PDE8B: variants seen among roughly 807,000 people sequenced by gnomAD.
PDE8B encodes the protein high affinity cAMP-specific and IBMX-insensitive 3',5'-cyclic phosphodiesterase 8B.
Under a neutral mutation model 101.3 loss-of-function variants are expected in PDE8B, and 26 were observed. That is an observed-to-expected ratio of 0.26 (90% CI 0.19 to 0.36). PDE8B has a LOEUF of 0.36. Ranked by LOEUF, PDE8B falls within the 10% of genes least tolerant of loss-of-function variation. The pLI is 1.00. For missense variants in PDE8B, 810 were observed against 1,163.1 expected, an observed-to-expected ratio of 0.70 and a Z score of 4.42; for synonymous variants, 424 against 429.3, an observed-to-expected ratio of 0.99 and a Z score of 0.15.
intron 5 of PDE8B, among the ~76,000 whole-genome samples, chr5:77,336,041 T>A (rs1034904042): frequency 1.3e-5 from 2 of 152,180 alleles, no homozygotes; most frequent in African/African-American, 2.4e-5. Context: ...CTACTCCTCT[T>A]TAAACGCGGG....
At chr5:77,262,604 A>C (rs551589080) in intron 1 of PDE8B, among the ~76,000 whole-genome samples, 8 of 152,228 alleles carry the variant, frequency 5.3e-5, no homozygotes, top group Non-Finnish European at 1.2e-4. Context: ...TTTGTGCACA[A>C]AATAAACTTC....
At chr5:77,310,243 A>G (rs1435405025) in intron 1 of PDE8B, among the ~76,000 whole-genome samples, 1 of 152,164 alleles carries the variant, frequency 6.6e-6, no homozygotes, top group Non-Finnish European at 1.5e-5. Flanking sequence ...GAGCCACCGC[A>G]TCTGGCCCAA....
chr5:77,129,500 AATGGATT>A, the PDE8B span, among the ~76,000 whole-genome samples: 9,584 of 152,176 alleles, frequency 0.063, 321 homozygotes, highest in South Asian at 0.13. Context: ...CTACCTTAGA[AATGGATT>A]ACTTCCCCTC....
At chr5:77,171,346 T>C in the PDE8B span, among the ~76,000 whole-genome samples, 2 of 152,210 alleles carry the variant, frequency 1.3e-5, no homozygotes, top group Non-Finnish European at 2.9e-5. Context: ...ACAGCATAGT[T>C]TGAACTTCAT....
At chr5:77,250,230 T>C (rs1036938976) in intron 1 of PDE8B, among the ~76,000 whole-genome samples, 3 of 152,240 alleles carry the variant, frequency 2.0e-5, no homozygotes, top group Non-Finnish European at 4.4e-5. Flanking sequence ...GAGAGTATCA[T>C]TTACATTTTT....
At chr5:77,247,937 C>T (rs1757303512) in intron 1 of PDE8B, among the ~76,000 whole-genome samples, 1 of 152,118 alleles carries the variant, frequency 6.6e-6, no homozygotes, top group Non-Finnish European at 1.5e-5. Flanking sequence ...GGGATCCATG[C>T]AGGAAGGTCT....
chr5:77,324,859 A>G (rs1232881573), intron 2 of PDE8B, among the ~76,000 whole-genome samples: 1 of 152,230 alleles, frequency 6.6e-6, no homozygotes, highest in Non-Finnish European at 1.5e-5. Flanking sequence ...TATCTCGTTA[A>G]TAATTTTACT....
the PDE8B span, among the ~76,000 whole-genome samples, chr5:77,153,640 T>C: frequency 6.6e-6 from 1 of 150,586 alleles, no homozygotes; most frequent in African/African-American, 2.5e-5. Flanking sequence ...AGTGGTATGA[T>C]CTCAGCTCAC....
intron 1 of PDE8B, among the ~76,000 whole-genome samples, chr5:77,275,962 A>G (rs1763778304): frequency 6.6e-6 from 1 of 152,222 alleles, no homozygotes; most frequent in South Asian, 2.1e-4. Flanking sequence ...CAAGTAGTAT[A>G]TATTTGTTAT....
chr5:77,211,083 T>C lies in PDE8B; in HGVS notation c.158T>C (p.Ile53Thr). Residue 53 changes from isoleucine to threonine, a missense_variant, in exon 1 of 22, where the codon ATC becomes ACC. By Grantham distance (89) the Ile-to-Thr change is moderately conservative. Coordinates refer to ENST00000264917, the MANE Select transcript of PDE8B (RefSeq NM_003719.5). This position sits in a 1 kb window ranked among gnomAD's most constrained non-coding sequence, Gnocchi z 4.1. The stretch of plus-strand genomic sequence containing the variant: ...GTCCAGACCGACGCCGCCGACGCCA[T>C]CCCCCCGAGCCGCGCGTCGGGACCC... Reference protein sequence around the residue: ...LFVQTDAADAIPPSRASGPPS... With the variant: ...LFVQTDAADATPPSRASGPPS... 5.3e-6 allele frequency: 8 copies of C among 1,496,304 alleles called. No individual in the cohort carries two copies. The highest frequency in any genetic ancestry group is 2.8e-5 in the East Asian group (1 of 35,610). The allele number at this position is 1,496,304 out of a possible 1,614,324, so 92.7% of individuals were successfully genotyped here.
At chr5:77,320,633 G>A (rs1210710729) in intron 2 of PDE8B, among the ~76,000 whole-genome samples, 1 of 152,054 alleles carries the variant, frequency 6.6e-6, no homozygotes, top group Admixed American at 6.6e-5. Context: ...TTTATTCCCA[G>A]TTCTTAACAT....
upstream of PDE8B, among the ~76,000 whole-genome samples, chr5:77,206,650 T>C (rs1747526828): frequency 6.6e-6 from 1 of 152,042 alleles, no homozygotes; most frequent in African/African-American, 2.4e-5. Context: ...AGGATCCACG[T>C]CGGGTAGGGT....
chr5:77,381,717 C>A (rs1787501500), intron 10 of PDE8B, among the ~76,000 whole-genome samples: 1 of 151,786 alleles, frequency 6.6e-6, no homozygotes, highest in Admixed American at 6.6e-5. Context: ...AGGTTTATGT[C>A]GCAAATGAAT....
At chr5:77,323,754 C>T (rs568902062) in intron 2 of PDE8B, among the ~76,000 whole-genome samples, 20 of 152,180 alleles carry the variant, frequency 1.3e-4, no homozygotes, top group African/African-American at 4.1e-4. Context: ...GTCAGGAGTT[C>T]GAGACCAGCC....
Position 77,408,908 on chromosome 5 carries a change from A to C in PDE8B, c.1381A>C (p.Asn461His), listed in dbSNP as rs768933324. ...APITKVINII[N>H]AAQENSPVTV... ...ACTCCGTTAGGTTATAAATATAATC[A>C]ATGCAGCCCAAGAAAACAGCCCAGT... The change falls in exon 14 of 22, where the codon AAT becomes CAT. Residue 461 changes from asparagine (N) to histidine (H), a missense_variant. Physicochemically the swap from Asn to His is moderately conservative, Grantham distance 68. Around this residue, in one of 4 missense-constraint regions of PDE8B, gnomAD observed 325 missense variants for 560.9 expected, o/e 0.58. Coordinates refer to ENST00000264917, the MANE Select transcript of PDE8B (RefSeq NM_003719.5). 1.2e-6 allele frequency: 2 copies of C among 1,613,170 alleles called. No individual in the cohort carries two copies. Among genetic ancestry groups the C allele is most frequent in the East Asian group, 4.5e-5 (2 of 44,894 alleles).
intron 2 of PDE8B, among the ~76,000 whole-genome samples, chr5:77,314,771 C>G (rs1465903187): frequency 6.6e-6 from 1 of 152,084 alleles, no homozygotes; most frequent in East Asian, 1.9e-4. Context: ...ACTTCTAGAC[C>G]TTTCCTCAAA....
chr5:77,189,330 A>G, the PDE8B span, among the ~76,000 whole-genome samples: 2 of 152,216 alleles, frequency 1.3e-5, no homozygotes, highest in Non-Finnish European at 2.9e-5. Context: ...CAAGAAGGAA[A>G]GGAGAGGAGG....
chr5:77,144,136 G>A, the PDE8B span: 5 of 152,122 alleles, frequency 3.3e-5, no homozygotes, highest in Non-Finnish European at 7.3e-5. Context: ...CCAGGAGGAG[G>A]GTAGTGTCAG....
At chr5:77,373,824 A>G (rs142497861) in intron 10 of PDE8B, among the ~76,000 whole-genome samples, 73 of 152,206 alleles carry the variant, frequency 4.8e-4, no homozygotes, top group African/African-American at 1.7e-3. Flanking sequence ...TCATTATAAA[A>G]TGTTCTTCTT....
Sources: allele counts gnomAD v4.1 joint callset (sites outside exome capture counted in the v4.1 genomes callset), GRCh38; gene constraint gnomAD v4.1.1; regional missense constraint gnomAD v4.1.1; non-coding constraint Gnocchi (gnomAD v3.1); transcripts MANE v1.5; gene names NCBI Gene and HGNC (gene_info 2026-07-23, HGNC 2026-07-21).